The following OPCML variants were observed in gnomAD, a reference collection of about 807,000 sequenced individuals.
The protein encoded by OPCML is opioid-binding protein/cell adhesion molecule.
In OPCML, 13 loss-of-function variants were observed where a neutral mutation model predicts 37.8. The ratio of observed to expected loss-of-function variants is 0.34; its 90% confidence interval spans 0.22 to 0.55. The LOEUF (loss-of-function observed/expected upper bound fraction) is 0.55, where lower values mean the gene tolerates loss of function less well. OPCML is among the 20% of genes least tolerant of loss of function. The pLI is 0.91. For missense variants in OPCML, 341 were observed against 435.6 expected (o/e 0.78, Z 1.93); for synonymous variants, 176 against 168.8 (o/e 1.04, Z -0.33).
At chr11:132,866,255 AG>A (rs1392912795) in intron 2 of OPCML, among the ~76,000 whole-genome samples, 1 of 152,238 alleles carries the variant, frequency 6.6e-6, no homozygotes, top group Non-Finnish European at 1.5e-5. Flanking sequence ...GCAGAAAAAA[AG>A]TCAAGCCATT....
At position 133,532,379 on chromosome 11, in the gene OPCML, A is replaced by C; in HGVS notation, c.-55T>G. 1 of 1,573,208 alleles carries C rather than the reference A, an allele frequency of 6.4e-7. No homozygotes were observed. Among genetic ancestry groups the C allele is most frequent in the Non-Finnish European group, 8.7e-7 (1 of 1,149,930 alleles). The stretch of plus-strand genomic sequence containing the variant: ...GCTTGCTACTGCTTCTGCTGCTGCT[A>C]CCGCTGCTGCCTTCCTCTGTGCTGA... On this transcript the variant is annotated 5_prime_UTR_variant, in exon 1 of 8. Transcript: ENST00000524381.
intron 2 of OPCML, among the ~76,000 whole-genome samples, chr11:132,895,993 T>C (rs1480608771): frequency 6.6e-6 from 1 of 152,110 alleles, no homozygotes; most frequent in African/African-American, 2.4e-5. Flanking sequence ...AGTGTGGGAA[T>C]ATGGTGGAAG....
intron 4 of OPCML, among the ~76,000 whole-genome samples, chr11:132,477,075 A>G (rs1472212199): frequency 6.6e-6 from 1 of 152,206 alleles, no homozygotes; most frequent in African/African-American, 2.4e-5. Context: ...GCAATAATAC[A>G]TGGACTCTCA....
At chr11:132,951,737 C>T (rs1945865313) in intron 1 of OPCML, among the ~76,000 whole-genome samples, 1 of 152,118 alleles carries the variant, frequency 6.6e-6, no homozygotes, top group East Asian at 1.9e-4. Flanking sequence ...GAGCAAGACA[C>T]AAAAATTCCC....
chr11:133,008,003 G>T (rs1947144412), intron 1 of OPCML: 1 of 985,330 alleles, frequency 1.0e-6, no homozygotes, highest in Admixed American at 6.1e-5. Flanking sequence ...TGCTTCAAGT[G>T]CATTGCAGGT....
At chr11:133,260,126 G>C (rs183874513) in intron 1 of OPCML, among the ~76,000 whole-genome samples, 2 of 152,008 alleles carry the variant, frequency 1.3e-5, no homozygotes, top group African/African-American at 2.4e-5. Flanking sequence ...GCTCTCGGGG[G>C]ACAGAGTTTC....
At chr11:133,042,068 C>T (rs888733181) in intron 1 of OPCML, among the ~76,000 whole-genome samples, 1 of 152,162 alleles carries the variant, frequency 6.6e-6, no homozygotes, top group South Asian at 2.1e-4. Context: ...TGCTTATTCC[C>T]TCTCTGGACA....
chr11:132,677,596 T>C (rs980173714), intron 2 of OPCML, among the ~76,000 whole-genome samples: 1 of 152,126 alleles, frequency 6.6e-6, no homozygotes, highest in Non-Finnish European at 1.5e-5. Flanking sequence ...AGCTTCCAAA[T>C]AGATCTGTCT....
At chr11:132,936,043 T>C (rs1052818709) in intron 2 of OPCML, among the ~76,000 whole-genome samples, 1 of 152,170 alleles carries the variant, frequency 6.6e-6, no homozygotes, top group Non-Finnish European at 1.5e-5. Flanking sequence ...TGTTGCTCAG[T>C]GTTTGCAGCG....
intron 4 of OPCML, among the ~76,000 whole-genome samples, chr11:132,508,717 T>C (rs1482603424): frequency 6.6e-6 from 1 of 152,214 alleles, no homozygotes; most frequent in Non-Finnish European, 1.5e-5. Context: ...TTTTCTCTTG[T>C]CACCACCATG....
chr11:132,800,158 C>T (rs2136200463), intron 2 of OPCML, among the ~76,000 whole-genome samples: 1 of 152,156 alleles, frequency 6.6e-6, no homozygotes, highest in South Asian at 2.1e-4. Context: ...GTGTTTATTA[C>T]TAAGTATTTT....
At chr11:132,777,236 C>T (rs2136139497) in intron 2 of OPCML, among the ~76,000 whole-genome samples, 1 of 152,286 alleles carries the variant, frequency 6.6e-6, no homozygotes. Flanking sequence ...CTTGCTCATT[C>T]CAGGAAGTGT....
intron 1 of OPCML, among the ~76,000 whole-genome samples, chr11:132,944,791 C>T (rs1360013680): frequency 1.3e-5 from 2 of 152,164 alleles, no homozygotes; most frequent in South Asian, 2.1e-4. Flanking sequence ...CTCGGGAGGC[C>T]CTCTCCGCTC....
At chr11:133,047,559 G>A (rs1948040622) in intron 1 of OPCML, among the ~76,000 whole-genome samples, 1 of 152,146 alleles carries the variant, frequency 6.6e-6, no homozygotes, top group Non-Finnish European at 1.5e-5. Flanking sequence ...GGATGGCACT[G>A]CGGCCCACGT....
chr11:133,078,642 G>C (rs1193078678), intron 1 of OPCML, among the ~76,000 whole-genome samples: 2 of 152,144 alleles, frequency 1.3e-5, no homozygotes, highest in African/African-American at 2.4e-5. Context: ...TGAGGAGGGC[G>C]CAGACAACCC....
At chr11:132,462,681 G>A (rs1375976655) in intron 4 of OPCML, among the ~76,000 whole-genome samples, 2 of 152,168 alleles carry the variant, frequency 1.3e-5, no homozygotes, top group African/African-American at 4.8e-5. Context: ...TAGAAGGGGG[G>A]AAGAATGGTC....
chr11:132,653,441 T>C lies in OPCML; in HGVS notation c.379+3646A>G, dbSNP rs1260679309. Among the ~76,000 whole-genome samples, 4 of 152,068 alleles carry C rather than the reference T, an allele frequency of 2.6e-5. No individual in the cohort carries two copies. In the South Asian group the frequency reaches 6.2e-4, roughly 24 times the overall value. ...CTCTGCGGGGCTGCCAGGCTGATTT[T>C]CCCCCCAACTAATCCGACCCCACAG... is the stretch of plus-strand genomic sequence containing the variant. On this transcript the variant is annotated intron_variant, in intron 3 of 7. Coordinates refer to ENST00000524381, the MANE Select transcript of OPCML (RefSeq NM_001012393.5).
intron 2 of OPCML, among the ~76,000 whole-genome samples, chr11:132,888,655 G>C (rs1449630072): frequency 6.6e-6 from 1 of 151,618 alleles, no homozygotes; most frequent in African/African-American, 2.4e-5. Context: ...CTTTTTTTTG[G>C]CTCTTTCTCA....
At chr11:133,189,660 C>G (rs1160010249) in intron 1 of OPCML, among the ~76,000 whole-genome samples, 1 of 152,140 alleles carries the variant, frequency 6.6e-6, no homozygotes, top group African/African-American at 2.4e-5. Context: ...TCATAATTCC[C>G]TATATGAAAC....
Sources: allele counts gnomAD v4.1 joint callset (sites outside exome capture counted in the v4.1 genomes callset), GRCh38; gene constraint gnomAD v4.1.1; transcripts MANE v1.5; gene names NCBI Gene and HGNC (gene_info 2026-07-23, HGNC 2026-07-21).